Variants in DPP9 observed in about 807,000 individuals in gnomAD.
DPP9 encodes dipeptidyl peptidase 9, also known as dipeptidyl peptidase IV-related protein-2.
A neutral mutation model predicts 110.7 loss-of-function variants in DPP9; 50 were observed. The ratio of observed to expected loss-of-function variants is 0.45; its 90% CI spans 0.36 to 0.57. The LOEUF (loss-of-function observed/expected upper bound fraction) is 0.57. DPP9 is among the 20% of genes least tolerant of loss of function. The pLI, the probability that DPP9 is intolerant of heterozygous loss-of-function variation, is 0.00. For missense variants in DPP9, 1,022 were observed against 1,217.9 expected (o/e 0.84, Z 2.39); for synonymous variants, 561 against 514.4 (o/e 1.09, Z -1.23).
chr19:4,693,733 C>T lies in DPP9; in HGVS notation c.1516+928G>A, dbSNP rs984821044. Among the ~76,000 whole-genome samples, 88 of 152,182 alleles carry T rather than the reference C, an allele frequency of 5.8e-4. 1 individual carries two copies. The highest frequency in any genetic ancestry group is 2.0e-3 in the African/African-American group (83 of 41,548). ...TCATCTGAAACTGAGGTGAGGGTGA[C>T]GACTTCCTATTTCTCTCGGGGTCAA... On this transcript the variant is annotated intron_variant, in intron 13 of 21. Transcript: ENST00000262960. This position sits in a 1 kb window ranked among gnomAD's most constrained non-coding sequence, Gnocchi z 5.0.
In DPP9 at chr19:4,684,817, G is replaced by A. The variant is rs1257078586; in HGVS notation, c.2032-8C>T. 1 of 1,587,234 alleles carries A rather than the reference G, an allele frequency of 6.3e-7. No individual in the cohort carries two copies. Among genetic ancestry groups the A allele is most frequent in the Admixed American group, 1.8e-5 (1 of 55,256 alleles). The stretch of plus-strand genomic sequence containing the variant: ...GTTATTCACCAGCTGCACCTGTGGG[G>A]AGGTGAGGGCCAGCAGTCCAGCACG... On this transcript the variant is annotated splice_region_variant and splice_polypyrimidine_tract_variant and intron_variant, in intron 17 of 21. Coordinates refer to ENST00000262960, the MANE Select transcript of DPP9 (RefSeq NM_139159.5). This position sits in a 1 kb window ranked among gnomAD's most constrained non-coding sequence, Gnocchi z 4.8.
At position 4,688,844 on chromosome 19, in the gene DPP9, A is replaced by G; in HGVS notation, c.1798T>C (p.Cys600Arg). 2 of 1,513,018 alleles carry G rather than the reference A, an allele frequency of 1.3e-6. No individual in the cohort carries two copies. The highest frequency in any genetic ancestry group is 8.7e-7 in the Non-Finnish European group (1 of 1,144,540). The allele number at this position is 1,513,018 out of a possible 1,614,324, so 93.7% of individuals were successfully genotyped here. A position where few individuals can be genotyped will look rare whatever the true frequency, so the allele number is the denominator to read the frequency against. ...SHYSSVSTPP[C>R]VHVYKLSGPD... ...CCGCTCAGCTTGTAGACGTGCACGC[A>G]GGGCGGCGTGCTCACGCTGCTGTAG... The change falls in exon 16 of 22, where the codon TGC (cysteine) becomes CGC (arginine). Residue 600 changes from cysteine to arginine, a missense_variant. By Grantham distance (180) the Cys-to-Arg change is radical. Transcript: ENST00000262960.
chr19:4,718,276 G>A lies in DPP9; in HGVS notation c.56+1575C>T, dbSNP rs965334961. On this transcript the variant is annotated intron_variant, in intron 3 of 21. Coordinates refer to ENST00000262960, the MANE Select transcript of DPP9 (RefSeq NM_139159.5). The surrounding 1 kb of genome is among the most constrained non-coding windows in gnomAD (Gnocchi z 4.3). ...TGGTGCTTTGGTGGCGAGCGGGGGC[G>A]GGGGAGTAGTTGGAGATGGGGGAAG... Among the ~76,000 whole-genome samples, 4 of 152,260 alleles carry A rather than the reference G, an allele frequency of 2.6e-5. No homozygotes were observed. Among genetic ancestry groups the A allele is most frequent in the Middle Eastern group, 3.4e-3 (1 of 294 alleles).
Position 4,718,804 on chromosome 19 carries a change from T to C in DPP9, c.56+1047A>G, listed in dbSNP as rs1288059023. ...TTCACACCGTCCCCGTCTTCCCCGG[T>C]CCATTCTTCAATTCCCTTCCCAGCT... On this transcript the variant is annotated intron_variant, in intron 3 of 21. Transcript: ENST00000262960. This position sits in a 1 kb window ranked among gnomAD's most constrained non-coding sequence, Gnocchi z 4.3. Among the ~76,000 whole-genome samples the C allele has an allele frequency of 6.6e-6, 1 of 152,182 alleles. No homozygotes were observed. Among genetic ancestry groups the C allele is most frequent in the African/African-American group, 2.4e-5 (1 of 41,438 alleles).
In DPP9 at chr19:4,702,009, C is replaced by T; in HGVS notation, c.1012+18G>A. The T allele has an allele frequency of 6.2e-7, 1 of 1,610,516 alleles. No individual in the cohort carries two copies. The highest frequency in any genetic ancestry group is 1.7e-4 in the Middle Eastern group (1 of 6,042). Reference sequence around the variant, plus strand: ...CTCAGATCCCCGGCCCAGCCCCTCACATGTACCGGGCACTCACCTGTCCTG... The same window carrying T: ...CTCAGATCCCCGGCCCAGCCCCTCATATGTACCGGGCACTCACCTGTCCTG... On this transcript the variant is annotated intron_variant, in intron 9 of 21. Transcript: ENST00000262960.
intron 7 of DPP9, among the ~76,000 whole-genome samples, chr19:4,703,283 C>A (rs189621074): frequency 6.6e-6 from 1 of 152,172 alleles, no homozygotes; most frequent in East Asian, 1.9e-4. Flanking sequence ...CCAGGGGCAC[C>A]TGGAAGAGGG....
chr19:4,683,065 G>T (rs1046584416), intron 19 of DPP9: 1 of 1,493,510 alleles, frequency 6.7e-7, no homozygotes, highest in Non-Finnish European at 8.9e-7. Flanking sequence ...GCCCCTCCCC[G>T]CCGCCGCAGA....
chr19:4,684,659 T>G lies in DPP9; in HGVS notation c.2178+4A>C. 1 of 1,613,058 alleles carries G rather than the reference T, an allele frequency of 6.2e-7. No individual in the cohort carries two copies. Among genetic ancestry groups the G allele is most frequent in the Non-Finnish European group, 8.5e-7 (1 of 1,179,666 alleles). On this transcript the variant is annotated splice_donor_region_variant and intron_variant, in intron 18 of 21. Coordinates refer to ENST00000262960, the MANE Select transcript of DPP9 (RefSeq NM_139159.5). The surrounding 1 kb of genome is among the most constrained non-coding windows in gnomAD (Gnocchi z 4.8). Reference sequence around the variant, plus strand: ...GACCCAGAGCAACAGGGAGGAGTTGTTACCATTTGGTTTTTCAGGGCCCCT... The same window carrying G: ...GACCCAGAGCAACAGGGAGGAGTTGGTACCATTTGGTTTTTCAGGGCCCCT...
rs375047863 is a variant in DPP9, at chr19:4,685,852, C to T, written c.1886-81G>A. The stretch of plus-strand genomic sequence containing the variant: ...CCCTTGTTCTCCTGCCCACCCCAAG[C>T]CTTGGAGGGTGGACCAAAGCACCCC... On this transcript the variant is annotated intron_variant, in intron 16 of 21. Transcript: ENST00000262960. The surrounding 1 kb of genome is among the most constrained non-coding windows in gnomAD (Gnocchi z 5.8). 3 of 1,527,036 alleles carry T rather than the reference C, an allele frequency of 2.0e-6. No homozygotes were observed. The allele number at this position is 1,527,036 out of a possible 1,614,324, so 94.6% of individuals were successfully genotyped here.
intron 21 of DPP9, 143 bp downstream of exon 21, chr19:4,679,692 G>A (rs1215923917): frequency 1.5e-6 from 1 of 654,602 alleles, no homozygotes; most frequent in African/African-American, 1.8e-5. Context: ...CGGGGACACA[G>A]GGCTGTGGGG....
In DPP9 at chr19:4,676,887, G is replaced by C. The variant is rs78587460; in HGVS notation, c.2587-231C>G. 5.3e-5 allele frequency among the ~76,000 whole-genome samples: 8 copies of C among 152,216 alleles called. No individual in the cohort carries two copies. The highest frequency in any genetic ancestry group is 1.0e-4 in the Non-Finnish European group (7 of 68,040). On this transcript the variant is annotated intron_variant, in intron 21 of 21. Coordinates refer to ENST00000262960, the MANE Select transcript of DPP9 (RefSeq NM_139159.5). The surrounding 1 kb of genome is among the most constrained non-coding windows in gnomAD (Gnocchi z 4.0). ...CTTTGGGAGGATTTGGTAAGACAAA[G>C]TTTACAAAACGCCTTGCGGTGTGCA...
chr19:4,699,533 G>A (rs546161826), intron 10 of DPP9, among the ~76,000 whole-genome samples: 38 of 152,256 alleles, frequency 2.5e-4, no homozygotes, highest in African/African-American at 9.1e-4. Flanking sequence ...GCTGCAGGGG[G>A]TGGCTACGGA....
intron 7 of DPP9, among the ~76,000 whole-genome samples, chr19:4,703,040 C>T (rs1031399194): frequency 2.6e-5 from 4 of 151,650 alleles, no homozygotes; most frequent in Admixed American, 1.3e-4. Context: ...CCAAGTGTGC[C>T]GTCTAAAAAC....
rs2092467016 is a variant in DPP9 at position 4,704,380 on chromosome 19, G to A, written c.427-76C>T. On this transcript the variant is annotated intron_variant, in intron 5 of 21. Coordinates refer to ENST00000262960, the MANE Select transcript of DPP9 (RefSeq NM_139159.5). This position sits in a 1 kb window ranked among gnomAD's most constrained non-coding sequence, Gnocchi z 6.0. ...CCCGCTGGCCAGGGCAGAGATCCTCGGGCTGGGGCATTCCCAGGGAATCTG... is the reference window on the plus strand; with the variant it reads ...CCCGCTGGCCAGGGCAGAGATCCTCAGGCTGGGGCATTCCCAGGGAATCTG... 7.9e-6 allele frequency: 12 copies of A among 1,509,680 alleles called. No individual in the cohort carries two copies. Among genetic ancestry groups the A allele is most frequent in the South Asian group, 4.7e-5 (4 of 84,974 alleles). The allele number at this position is 1,509,680 out of a possible 1,614,324, so 93.5% of individuals were successfully genotyped here.
chr19:4,719,792 G>A (rs2093238048), intron 3 of DPP9, 59 bp downstream of exon 3: 1 of 1,539,176 alleles, frequency 6.5e-7, no homozygotes, highest in Admixed American at 2.0e-5. Flanking sequence ...TAGACTGTTG[G>A]GGAATTCCAG....
In DPP9 at chr19:4,694,883, C is replaced by T. The variant is rs2091656889; in HGVS notation, c.1354-60G>A. On this transcript the variant is annotated intron_variant, in intron 12 of 21. Coordinates refer to ENST00000262960, the MANE Select transcript of DPP9 (RefSeq NM_139159.5). This position sits in a 1 kb window ranked among gnomAD's most constrained non-coding sequence, Gnocchi z 4.0. ...GTGTGGGTGGCCGGGCATGGTGGCT[C>T]ACACCAGTAATCCCAGTAGTTTGGG... is the stretch of plus-strand genomic sequence containing the variant. The T allele has an allele frequency of 5.1e-6, 8 of 1,558,022 alleles. No individual in the cohort carries two copies. The South Asian group carries it at 5.7e-5, about 11-fold the overall frequency.
chr19:4,691,622 A>G (rs1176248694), intron 13 of DPP9, among the ~76,000 whole-genome samples: 1 of 150,188 alleles, frequency 6.7e-6, no homozygotes, highest in Non-Finnish European at 1.5e-5. Flanking sequence ...GGAGGAGCCA[A>G]CTGGGCCCAT....
rs2092561147 is a variant in DPP9, at chr19:4,705,957, G to A, written c.327C>T (p.Gly109=). The change falls in exon 5 of 22, where the codon GGC becomes GGT. Residue 109 remains glycine, a synonymous_variant. Transcript: ENST00000262960. The part of the protein sequence containing the change: ...HRLYYLGMPY[G]SRENSLLYSE... ...AGTAGAGGAGGGAGTTCTCTCGGCT[G>A]CCATATGGCATTCCTAAAGGGAGAA... is the stretch of plus-strand genomic sequence containing the variant. 6.2e-7 allele frequency: 1 copy of A among 1,613,594 alleles called. No homozygotes were observed. Among genetic ancestry groups the A allele is most frequent in the Admixed American group, 1.7e-5 (1 of 60,002 alleles).
In DPP9 at chr19:4,684,141, T is replaced by C; in HGVS notation, c.2179-512A>G. Reference sequence around the variant, plus strand: ...ATGGGGCCCACTCATGTGAATGGGATGAGGGGCCCTTATAAAAGGGCCTGA... The same window carrying C: ...ATGGGGCCCACTCATGTGAATGGGACGAGGGGCCCTTATAAAAGGGCCTGA... On this transcript the variant is annotated intron_variant, in intron 18 of 21. Transcript: ENST00000262960. This position sits in a 1 kb window ranked among gnomAD's most constrained non-coding sequence, Gnocchi z 4.8. 1 of 288,258 alleles carries C rather than the reference T, an allele frequency of 3.5e-6. No homozygotes were observed. 17.9% of individuals were successfully genotyped at this position (288,258 alleles called of 1,614,324 possible).
Sources: allele counts gnomAD v4.1 joint callset (sites outside exome capture counted in the v4.1 genomes callset), GRCh38; gene constraint gnomAD v4.1.1; non-coding constraint Gnocchi (gnomAD v3.1); transcripts MANE v1.5; gene names NCBI Gene and HGNC (gene_info 2026-07-23, HGNC 2026-07-21).